GALNT8: variants seen among roughly 807,000 people sequenced by gnomAD.
The protein encoded by GALNT8 is polypeptide N-acetylgalactosaminyltransferase 8, also known as probable polypeptide N-acetylgalactosaminyltransferase 8.
Under a neutral mutation model 62.7 loss-of-function variants are expected in GALNT8, and 66 were observed. The observed-to-expected ratio is 1.05, with a 90% confidence interval of 0.86 to 1.29. The LOEUF is 1.29. GALNT8 is among the 50% of genes most tolerant of loss of function. GALNT8 has a pLI of 0.00. For synonymous variants in GALNT8, 288 were observed against 294.3 expected (o/e 0.98, Z 0.22); for missense variants, 771 against 791.8 (o/e 0.97, Z 0.32).
intron 1 of GALNT8, among the ~76,000 whole-genome samples, chr12:4,725,259 T>G (rs894638952): frequency 1.3e-5 from 2 of 152,170 alleles, no homozygotes; most frequent in African/African-American, 4.8e-5. Flanking sequence ...GAGTTCAAGG[T>G]GCATATGCTA....
At chr12:4,730,791 G>A (rs577668095) in intron 2 of GALNT8, among the ~76,000 whole-genome samples, 42 of 151,850 alleles carry the variant, frequency 2.8e-4, no homozygotes, top group Non-Finnish European at 5.0e-4. Flanking sequence ...TCAATCTGTA[G>A]ATCACTATGG....
Position 4,726,409 on chromosome 12 carries a change from G to A in GALNT8, c.212-123G>A, listed in dbSNP as rs1946195572. On this transcript the variant is annotated intron_variant, in intron 1 of 10. Transcript: ENST00000252318. This position sits in a 1 kb window ranked among gnomAD's most constrained non-coding sequence, Gnocchi z 4.1. ...ACATACTACATCCTCTGTGACAAGA[G>A]CTTATAAGTTTTAAGATGTAGTGGG... 4 of 679,558 alleles carry A rather than the reference G, an allele frequency of 5.9e-6. No individual in the cohort carries two copies. Among genetic ancestry groups the A allele is most frequent in the South Asian group, 1.9e-5 (1 of 51,516 alleles). The allele number at this position is 679,558 out of a possible 1,614,324, so 42.1% of individuals were successfully genotyped here. A position where few individuals can be genotyped will look rare whatever the true frequency, so the allele number is the denominator to read the frequency against.
At chr12:4,741,407 A>G (rs192230568) in intron 3 of GALNT8, among the ~76,000 whole-genome samples, 1 of 152,210 alleles carries the variant, frequency 6.6e-6, no homozygotes, top group Non-Finnish European at 1.5e-5. Flanking sequence ...CTGCCCCAAA[A>G]ATAGGAGCAT....
chr12:4,739,407 A>G, intron 3 of GALNT8, 78 bp downstream of exon 3: 1 of 1,183,184 alleles, frequency 8.5e-7, no homozygotes, highest in African/African-American at 1.5e-5. Flanking sequence ...GTTTTGGCTT[A>G]GAGTTTAGGA....
intron 7 of GALNT8, among the ~76,000 whole-genome samples, chr12:4,761,815 G>A (rs191064834): frequency 1.3e-5 from 2 of 152,236 alleles, no homozygotes; most frequent in Admixed American, 1.3e-4. Context: ...CTGGCTCCGG[G>A]CCAGAGCATG....
At chr12:4,735,590 A>G (rs1946240986) in intron 2 of GALNT8, among the ~76,000 whole-genome samples, 1 of 152,198 alleles carries the variant, frequency 6.6e-6, no homozygotes, top group Admixed American at 6.5e-5. Flanking sequence ...CCCTTCTTCT[A>G]CTTTGCCTCT....
In GALNT8 at chr12:4,726,682, A is replaced by G; in HGVS notation, c.362A>G (p.His121Arg). The change falls in exon 2 of 11, where the codon CAC becomes CGC. Residue 121 changes from histidine (H) to arginine (R), a missense_variant. By Grantham distance (29) the His-to-Arg change is conservative. Transcript: ENST00000252318. This position sits in a 1 kb window ranked among gnomAD's most constrained non-coding sequence, Gnocchi z 4.1. The part of the protein sequence containing the change: ...KHKTQMKLFP[H>R]SQLFRQWGED... ...AAAACCCAAATGAAACTCTTCCCAC[A>G]CTCACAGCTTTTCAGGCAATGGGGC... The G allele has an allele frequency of 6.2e-7, 1 of 1,613,948 alleles. No homozygotes were observed. Among genetic ancestry groups the G allele is most frequent in the Non-Finnish European group, 8.5e-7 (1 of 1,179,990 alleles).
intron 6 of GALNT8, among the ~76,000 whole-genome samples, chr12:4,760,222 T>C (rs1483562220): frequency 2.0e-5 from 3 of 152,198 alleles, no homozygotes; most frequent in Non-Finnish European, 4.4e-5. Flanking sequence ...CACATTATTG[T>C]TGGCAGCATT....
intron 2 of GALNT8, among the ~76,000 whole-genome samples, chr12:4,737,440 A>G (rs545672622): frequency 1.7e-4 from 26 of 152,350 alleles, no homozygotes; most frequent in Non-Finnish European, 2.6e-4. Flanking sequence ...AGATCCTCAC[A>G]GTAAATATCA....
intron 6 of GALNT8, among the ~76,000 whole-genome samples, chr12:4,751,492 C>T (rs960492948): frequency 4.6e-5 from 7 of 152,158 alleles, no homozygotes; most frequent in African/African-American, 1.7e-4. Context: ...TTTCCAATTT[C>T]CTTCTTAATT....
rs769404263 is a variant in GALNT8, at chr12:4,763,977, T to C, written c.1523T>C (p.Val508Ala). 8.8e-6 allele frequency: 14 copies of C among 1,588,878 alleles called. No homozygotes were observed. Among genetic ancestry groups the C allele is most frequent in the Non-Finnish European group, 1.2e-5 (14 of 1,156,764 alleles). The change falls in exon 9 of 11, where the codon GTC (valine) becomes GCC (alanine). Residue 508 changes from valine (V) to alanine (A), a missense_variant. Coordinates refer to ENST00000252318, the MANE Select transcript of GALNT8 (RefSeq NM_017417.2). ...GRMKNLLDEN[V>A]CLDQGPVPGN... is the part of the protein sequence containing the mutation. ...ATGAAAAACCTATTGGATGAAAATG[T>C]CTGCTTGGATCAGGGACCCGTTCCA...
intron 6 of GALNT8, among the ~76,000 whole-genome samples, chr12:4,752,857 T>C (rs1946328332): frequency 1.3e-5 from 2 of 152,178 alleles, no homozygotes; most frequent in Admixed American, 6.5e-5. Context: ...GTAGGATTGG[T>C]CTGGTGTTGA....
At chr12:4,764,681 C>A (rs1356280810) in intron 9 of GALNT8, among the ~76,000 whole-genome samples, 1 of 151,032 alleles carries the variant, frequency 6.6e-6, no homozygotes, top group Non-Finnish European at 1.5e-5. Context: ...GTAGCTGGGA[C>A]TACAGGCACC....
intron 1 of GALNT8, among the ~76,000 whole-genome samples, chr12:4,722,252 G>A (rs962456794): frequency 6.6e-6 from 1 of 152,144 alleles, no homozygotes; most frequent in African/African-American, 2.4e-5. Context: ...TGGGGCAAGG[G>A]CCTCGCTTCC....
chr12:4,729,771 T>C (rs1263654511), intron 2 of GALNT8, among the ~76,000 whole-genome samples: 1 of 152,210 alleles, frequency 6.6e-6, no homozygotes. Context: ...GATCATACAG[T>C]AGTTCCATTT....
At chr12:4,767,029 A>G (rs917687161) in intron 10 of GALNT8, among the ~76,000 whole-genome samples, 4 of 151,698 alleles carry the variant, frequency 2.6e-5, no homozygotes, top group Admixed American at 2.0e-4. Context: ...CTCCAATTCT[A>G]TGGAACTACA....
chr12:4,744,671 G>A lies in GALNT8; in HGVS notation c.831G>A (p.Leu277=), dbSNP rs776160812. The change falls in exon 4 of 11, where the codon TTG becomes TTA. Residue 277 remains leucine, a synonymous_variant. Transcript: ENST00000252318. ...EAATADVVAI[L]DAHIEVNVGW... ...CCACAGCAGACGTGGTCGCCATCTT[G>A]GATGCTCACATTGAAGTCAATGTTG... is the stretch of plus-strand genomic sequence containing the variant. 6.2e-7 allele frequency: 1 copy of A among 1,612,806 alleles called. No individual in the cohort carries two copies. The highest frequency in any genetic ancestry group is 1.1e-5 in the South Asian group (1 of 90,856).
intron 6 of GALNT8, among the ~76,000 whole-genome samples, chr12:4,756,021 G>A (rs1946343413): frequency 6.6e-6 from 1 of 152,160 alleles, no homozygotes; most frequent in Non-Finnish European, 1.5e-5. Flanking sequence ...TAAGGCCTAG[G>A]TTTAGAAGTA....
chr12:4,766,638 G>C (rs1946401386), intron 10 of GALNT8, among the ~76,000 whole-genome samples: 3 of 152,198 alleles, frequency 2.0e-5, no homozygotes, highest in South Asian at 4.2e-4. Context: ...ACAACAGTCT[G>C]TGGGGAATTT....
Sources: gnomAD v4.1 joint callset for allele counts (sites outside exome capture counted in the v4.1 genomes callset) on GRCh38, gnomAD v4.1.1 for gene constraint, Gnocchi (gnomAD v3.1) non-coding constraint, MANE v1.5 for transcripts, NCBI Gene and HGNC (gene_info 2026-07-23, HGNC 2026-07-21) for gene names.